Variants in RAD54B observed in about 807,000 individuals in gnomAD.
The protein encoded by RAD54B is DNA repair and recombination protein RAD54B.
Under a neutral mutation model 95.8 loss-of-function variants are expected in RAD54B, and 78 were observed. The observed-to-expected ratio is 0.81, with a 90% CI of 0.68 to 0.98. The LOEUF is 0.98. Among genes scored for constraint, RAD54B ranks in the 50% least tolerant of loss-of-function variants. The pLI is 0.00. For synonymous variants in RAD54B, 328 were observed against 354.9 expected (o/e 0.92, Z 0.85); for missense variants, 957 against 1,056.6 (o/e 0.91, Z 1.31).
intron 3 of RAD54B, among the ~76,000 whole-genome samples, chr8:94,454,785 C>T (rs1262926437): frequency 1.3e-5 from 2 of 152,114 alleles, no homozygotes; most frequent in Non-Finnish European, 2.9e-5. Context: ...CTAGCACGAG[C>T]GTATACACTT....
chr8:94,469,339 T>C (rs1430700285), intron 1 of RAD54B, among the ~76,000 whole-genome samples: 1 of 152,134 alleles, frequency 6.6e-6, no homozygotes, highest in Non-Finnish European at 1.5e-5. Context: ...ACATGGGAGT[T>C]CCCCTGCACA....
chr8:94,451,848 A>G (rs1395615063), intron 3 of RAD54B, among the ~76,000 whole-genome samples: 3 of 151,256 alleles, frequency 2.0e-5, no homozygotes, highest in Admixed American at 1.3e-4. Flanking sequence ...TACAACACAT[A>G]TCCTGGTCCA....
chr8:94,404,382 C>A, intron 5 of RAD54B, 143 bp from the exon 6 acceptor site: 1 of 627,462 alleles, frequency 1.6e-6, no homozygotes, highest in Non-Finnish European at 2.5e-6. Flanking sequence ...TAATGTTACC[C>A]AAGGGCACAA....
chr8:94,423,058 C>CT (rs1157647282), intron 3 of RAD54B, among the ~76,000 whole-genome samples: 3 of 151,652 alleles, frequency 2.0e-5, no homozygotes, highest in Non-Finnish European at 4.4e-5. Context: ...TCCTCATTTC[C>CT]ATTATTACCC....
At chr8:94,413,328 T>A (rs1382420015) in intron 3 of RAD54B, among the ~76,000 whole-genome samples, 2 of 152,194 alleles carry the variant, frequency 1.3e-5, no homozygotes, top group Non-Finnish European at 2.9e-5. Context: ...GGTACTGCCC[T>A]TCCTCTCCAA....
chr8:94,410,183 C>T (rs1429315822), intron 4 of RAD54B, among the ~76,000 whole-genome samples: 4 of 152,142 alleles, frequency 2.6e-5, no homozygotes, highest in Non-Finnish European at 1.5e-5. Flanking sequence ...ACCTCCAAAA[C>T]TATTCATCCT....
intron 8 of RAD54B, among the ~76,000 whole-genome samples, chr8:94,397,492 A>T (rs1478321738): frequency 6.6e-6 from 1 of 152,160 alleles, no homozygotes; most frequent in East Asian, 1.9e-4. Context: ...TAATGCCTCA[A>T]ATGAAACAAT....
chr8:94,416,230 A>G (rs1259700244), intron 3 of RAD54B, among the ~76,000 whole-genome samples: 1 of 151,520 alleles, frequency 6.6e-6, no homozygotes, highest in Non-Finnish European at 1.5e-5. Flanking sequence ...CATGGATGAA[A>G]TTGGAAATCA....
intron 3 of RAD54B, among the ~76,000 whole-genome samples, chr8:94,437,669 C>T (rs1812299860): frequency 6.6e-6 from 1 of 152,072 alleles, no homozygotes; most frequent in African/African-American, 2.4e-5. Context: ...GCTAGCCTGC[C>T]TTATCATGTG....
intron 3 of RAD54B, among the ~76,000 whole-genome samples, chr8:94,419,247 C>G (rs922212423): frequency 1.3e-5 from 2 of 152,132 alleles, no homozygotes; most frequent in Non-Finnish European, 1.5e-5. Flanking sequence ...TGGTGGCTCA[C>G]GCCTGTAATC....
intron 5 of RAD54B, 80 bp from the exon 6 acceptor site, chr8:94,404,319 A>G: frequency 7.7e-7 from 1 of 1,302,556 alleles, no homozygotes; most frequent in Non-Finnish European, 1.0e-6. Context: ...TTACCCTAAG[A>G]TAGAAATGTT....
At chr8:94,393,995 TA>T in intron 8 of RAD54B, 113 bp from the exon 9 acceptor site, 1 of 985,638 alleles carries the variant, frequency 1.0e-6, no homozygotes, top group Non-Finnish European at 1.5e-6. Flanking sequence ...CTAAAAGGAA[TA>T]AATACAAGCA....
chr8:94,410,842 A>G (rs992382771), intron 4 of RAD54B, among the ~76,000 whole-genome samples: 9 of 152,194 alleles, frequency 5.9e-5, no homozygotes, highest in African/African-American at 2.2e-4. Context: ...TTAAGCTCAG[A>G]AAAGTACCAA....
At chr8:94,468,025 A>G (rs750450699) in intron 1 of RAD54B, 1 of 152,712 alleles carries the variant, frequency 6.5e-6, no homozygotes, top group Non-Finnish European at 1.5e-5. Context: ...AGTCATACCC[A>G]CAAGCCAGAG....
intron 3 of RAD54B, among the ~76,000 whole-genome samples, chr8:94,432,924 G>A (rs1365501882): frequency 1.3e-5 from 2 of 152,030 alleles, no homozygotes; most frequent in Non-Finnish European, 2.9e-5. Context: ...GAAGGCCAAT[G>A]AAGAAAATAA....
At chr8:94,382,481 C>T (rs1475530990) in intron 11 of RAD54B, among the ~76,000 whole-genome samples, 1 of 152,014 alleles carries the variant, frequency 6.6e-6, no homozygotes, top group Non-Finnish European at 1.5e-5. Context: ...TTCAGATGTA[C>T]AAGAAGTCAA....
chr8:94,441,068 C>T (rs1353682760), intron 3 of RAD54B, among the ~76,000 whole-genome samples: 1 of 151,810 alleles, frequency 6.6e-6, no homozygotes, highest in African/African-American at 2.4e-5. Context: ...AAACTCCCTG[C>T]TCTTTTCTGT....
intron 3 of RAD54B, among the ~76,000 whole-genome samples, chr8:94,425,371 A>G (rs1811918684): frequency 6.6e-6 from 1 of 151,806 alleles, no homozygotes; most frequent in Non-Finnish European, 1.5e-5. Context: ...TCTTTTGTTT[A>G]ACAATTCTAA....
At chr8:94,455,418 C>T (rs540790095) in intron 3 of RAD54B, among the ~76,000 whole-genome samples, 3 of 152,164 alleles carry the variant, frequency 2.0e-5, no homozygotes, top group Non-Finnish European at 4.4e-5. Context: ...AACATTCCTG[C>T]CTTTGCATGT....
Sources: allele counts gnomAD v4.1 joint callset (sites outside exome capture counted in the v4.1 genomes callset), GRCh38; gene constraint gnomAD v4.1.1; transcripts MANE v1.5; gene names NCBI Gene and HGNC (gene_info 2026-07-23, HGNC 2026-07-21).